The following MORC3 variants were observed in gnomAD, a reference collection of about 807,000 sequenced individuals.
The protein encoded by MORC3 is MORC family CW-type zinc finger protein 3.
Under a neutral mutation model 109.1 loss-of-function variants are expected in MORC3, and 31 were observed. The observed-to-expected ratio is 0.28, with a 90% confidence interval of 0.21 to 0.38. The LOEUF (loss-of-function observed/expected upper bound fraction) is 0.38, where lower values mean the gene tolerates loss of function less well. Ranked by LOEUF, MORC3 falls within the 10% of genes least tolerant of loss-of-function variation. The pLI, the probability that MORC3 is intolerant of heterozygous loss-of-function variation, is 1.00. For synonymous variants in MORC3, 395 were observed against 380.7 expected (o/e 1.04, Z -0.44); for missense variants, 867 against 1,135.8 (o/e 0.76, Z 3.40).
In MORC3 at chr21:36,364,008, G is replaced by C. The variant is rs1423394209; in HGVS notation, c.1453-85G>C. On this transcript the variant is annotated intron_variant, in intron 13 of 16. Coordinates refer to ENST00000400485, the MANE Select transcript of MORC3 (RefSeq NM_015358.3). The stretch of plus-strand genomic sequence containing the variant: ...TTGTTTTTGTGTCTTCTGGGATAAG[G>C]GGGAAGAGGAAGATTATATCTTGTG... 3 of 1,392,592 alleles carry C rather than the reference G, an allele frequency of 2.2e-6. No individual in the cohort carries two copies. The East Asian group carries it at 6.9e-5, about 32-fold the overall frequency. 86.3% of individuals were successfully genotyped at this position (1,392,592 alleles called of 1,614,324 possible). A position where few individuals can be genotyped will look rare whatever the true frequency, so the allele number is the denominator to read the frequency against.
intron 1 of MORC3, among the ~76,000 whole-genome samples, chr21:36,330,536 G>A (rs2146291023): frequency 6.6e-6 from 1 of 152,258 alleles, no homozygotes; most frequent in African/African-American, 2.4e-5. Flanking sequence ...TATAAAACCA[G>A]GCTGCTCCCC....
chr21:36,356,157 T>C (rs1200137435), intron 9 of MORC3, among the ~76,000 whole-genome samples: 2 of 152,232 alleles, frequency 1.3e-5, no homozygotes, highest in African/African-American at 4.8e-5. Flanking sequence ...TATGCAGTTA[T>C]AATTTAAGAC....
At chr21:36,354,935 T>TC (rs1427718802) in intron 9 of MORC3, among the ~76,000 whole-genome samples, 2 of 152,188 alleles carry the variant, frequency 1.3e-5, no homozygotes, top group African/African-American at 4.8e-5. Context: ...ACCTTTTTTT[T>TC]CCTGTATATC....
intron 9 of MORC3, 97 bp downstream of exon 9, chr21:36,349,505 T>G (rs2085547924): frequency 4.1e-6 from 3 of 727,538 alleles, no homozygotes; most frequent in Non-Finnish European, 6.4e-6. Context: ...CAGAAATACC[T>G]TATTAGTAAA....
intron 15 of MORC3, among the ~76,000 whole-genome samples, chr21:36,370,803 G>T (rs1384152142): frequency 6.6e-6 from 1 of 151,510 alleles, no homozygotes. Context: ...CCGAGTAGCT[G>T]AGATTACAGC....
intron 14 of MORC3, among the ~76,000 whole-genome samples, chr21:36,365,366 C>T (rs907391304): frequency 1.3e-5 from 2 of 152,118 alleles, no homozygotes; most frequent in Non-Finnish European, 2.9e-5. Context: ...TGTCTACAAA[C>T]GAGTGGATCA....
At chr21:36,372,600 AG>A in intron 16 of MORC3, 69 bp downstream of exon 16, 1 of 1,422,890 alleles carries the variant, frequency 7.0e-7, no homozygotes, top group Non-Finnish European at 9.3e-7. Flanking sequence ...TTTATCTGCT[AG>A]CACCCATCAA....
chr21:36,375,114 T>C lies in MORC3; in HGVS notation c.2667-29T>C, dbSNP rs202003065. 390 of 1,590,458 alleles carry C rather than the reference T, an allele frequency of 2.5e-4. 1 individual carries two copies. Among genetic ancestry groups the C allele is most frequent in the Middle Eastern group, 5.0e-4 (3 of 6,026 alleles). Reference sequence around the variant, plus strand: ...CATGAATCTTAACTTGTAATGCTCATCTAATAAGTTACATATTTGTATTTG... The same window carrying C: ...CATGAATCTTAACTTGTAATGCTCACCTAATAAGTTACATATTTGTATTTG... On this transcript the variant is annotated intron_variant, in intron 16 of 16. Transcript: ENST00000400485.
chr21:36,365,526 A>G (rs1038323190), intron 14 of MORC3, among the ~76,000 whole-genome samples: 13 of 152,140 alleles, frequency 8.5e-5, no homozygotes, highest in African/African-American at 2.4e-4. Flanking sequence ...TAAATAACTA[A>G]CTGCCTTTAT....
At chr21:36,336,230 T>TTTTTTGTTTTTG (rs568665151) in intron 2 of MORC3, among the ~76,000 whole-genome samples, 1 of 137,482 alleles carries the variant, frequency 7.3e-6, no homozygotes, top group East Asian at 2.2e-4. Context: ...CATGGTCAGC[T>TTTTTTGTTTTTG]TTTTTGTTTT....
intron 3 of MORC3, among the ~76,000 whole-genome samples, chr21:36,337,528 G>A (rs762641680): frequency 9.9e-5 from 15 of 151,918 alleles, no homozygotes; most frequent in Admixed American, 2.6e-4. Context: ...AAAGTAATCT[G>A]CCCGATACAT....
rs1345075597 is a variant in MORC3 at position 36,372,464 on chromosome 21, C to G, written c.2599C>G (p.Gln867Glu). 1.2e-6 allele frequency: 2 copies of G among 1,609,252 alleles called. No homozygotes were observed. The highest frequency in any genetic ancestry group is 2.2e-5 in the South Asian group (2 of 90,004). ...AGAACAGTTAAAATCTACAAATCAA[C>G]AGACGGCAACAGATGTTTCAACATC... ...EVEQLKSTNQ[Q>E]TATDVSTSSN... Residue 867 changes from glutamine to glutamate, a missense_variant, in exon 16 of 17, where the codon CAG (glutamine) becomes GAG (glutamate). Transcript: ENST00000400485.
intron 1 of MORC3, among the ~76,000 whole-genome samples, chr21:36,323,446 G>A (rs575684319): frequency 2.6e-5 from 4 of 152,252 alleles, no homozygotes; most frequent in Non-Finnish European, 2.9e-5. Context: ...TGTGCGTGCC[G>A]TAGGTGCACA....
intron 1 of MORC3, among the ~76,000 whole-genome samples, chr21:36,325,564 C>G (rs1325697005): frequency 6.6e-6 from 1 of 152,234 alleles, no homozygotes; most frequent in Non-Finnish European, 1.5e-5. Context: ...CTCCAGAACT[C>G]TTCTTGTTGG....
chr21:36,362,015 G>T, intron 12 of MORC3, 168 bp from the exon 13 acceptor site: 1 of 733,726 alleles, frequency 1.4e-6, no homozygotes. Flanking sequence ...GCTAAAATTA[G>T]GGTGCTACTG....
At chr21:36,344,795 A>C in intron 7 of MORC3, 88 bp downstream of exon 7, 1 of 1,585,414 alleles carries the variant, frequency 6.3e-7, no homozygotes, top group Non-Finnish European at 8.6e-7. Flanking sequence ...TAGGGATTCT[A>C]GTCTGCTCTA....
chr21:36,337,624 A>C, intron 3 of MORC3, 108 bp from the exon 4 acceptor site: 1 of 739,972 alleles, frequency 1.4e-6, no homozygotes, highest in Non-Finnish European at 2.0e-6. Flanking sequence ...CAGGCTTTTT[A>C]CTTGGTATTA....
At chr21:36,331,304 C>T (rs1371834603) in intron 1 of MORC3, among the ~76,000 whole-genome samples, 2 of 151,970 alleles carry the variant, frequency 1.3e-5, no homozygotes, top group Non-Finnish European at 2.9e-5. Context: ...TTTAAAACTA[C>T]TTGTGTGTTT....
chr21:36,324,643 T>A (rs2085229370), intron 1 of MORC3, among the ~76,000 whole-genome samples: 1 of 152,050 alleles, frequency 6.6e-6, no homozygotes, highest in Non-Finnish European at 1.5e-5. Flanking sequence ...ATGTTTCTTT[T>A]ACTGTGTATT....
Sources: allele counts gnomAD v4.1 joint callset (sites outside exome capture counted in the v4.1 genomes callset), GRCh38; gene constraint gnomAD v4.1.1; transcripts MANE v1.5; gene names NCBI Gene and HGNC (gene_info 2026-07-23, HGNC 2026-07-21).